Variants in PRPF38B observed in about 807,000 individuals in gnomAD.
PRPF38B encodes pre-mRNA-splicing factor 38B.
In PRPF38B, 18 loss-of-function variants were observed where a neutral mutation model predicts 67.2. The observed-to-expected ratio is 0.27, with a 90% CI of 0.19 to 0.40. The LOEUF (loss-of-function observed/expected upper bound fraction) is 0.40. PRPF38B is among the 10% of genes least tolerant of loss of function. The pLI is 1.00. For synonymous variants in PRPF38B, 246 were observed against 234.2 expected, an observed-to-expected ratio of 1.05 and a Z score of -0.46; for missense variants, 544 against 684.9, an observed-to-expected ratio of 0.79 and a Z score of 2.30.
At chr1:108,698,323 G>T (rs1228674471) in intron 4 of PRPF38B, 2 of 310,670 alleles carry the variant, frequency 6.4e-6, no homozygotes, top group Non-Finnish European at 1.2e-5. Context: ...TAAGTCAATC[G>T]TTCCGCATAG....
In PRPF38B at chr1:108,696,027, C is replaced by CTAGTTTA; in HGVS notation, c.346-15_346-14insAGTTTAT. The stretch of plus-strand genomic sequence containing the variant: ...TAATTATTTTACTACTTTTTCTTAA[C>CTAGTTTA]TCGTTTCCCCTAAAGGTTCGAGGTG... On this transcript the variant is annotated splice_polypyrimidine_tract_variant and intron_variant, in intron 2 of 5. Coordinates refer to ENST00000370025, the MANE Select transcript of PRPF38B (RefSeq NM_018061.4). 1 of 1,605,484 alleles carries CTAGTTTA rather than the reference C, an allele frequency of 6.2e-7. No homozygotes were observed. Among genetic ancestry groups the CTAGTTTA allele is most frequent in the South Asian group, 1.1e-5 (1 of 89,470 alleles).
Position 108,696,057 on chromosome 1 carries a change from A to G in PRPF38B, c.360A>G (p.Gly120=). ...TTCCCCTAAAGGTTCGAGGTGTTGG[A>G]ACAGGAGGAATTGTTTCTACAGCAT... ...TGMCGGVRGV[G]TGGIVSTAFC... is the part of the protein sequence containing the mutation. The change falls in exon 3 of 6, where the codon GGA becomes GGG. Residue 120 remains glycine (G), a synonymous_variant. Coordinates refer to ENST00000370025, the MANE Select transcript of PRPF38B (RefSeq NM_018061.4). 1.9e-6 allele frequency: 3 copies of G among 1,613,506 alleles called. No individual in the cohort carries two copies. The highest frequency in any genetic ancestry group is 2.5e-6 in the Non-Finnish European group (3 of 1,179,818).
chr1:108,695,758 G>A lies in PRPF38B; in HGVS notation c.333G>A (p.Gly111=). The A allele has an allele frequency of 6.2e-7, 1 of 1,613,996 alleles. No homozygotes were observed. The highest frequency in any genetic ancestry group is 8.5e-7 in the Non-Finnish European group (1 of 1,179,906). ...KGSRKTAGQT[G]MCGGVRGVGT... ...GCAGGAAAACAGCGGGCCAGACAGG[G>A]ATGTGCGGAGGGGTAAGTAGAAGTA... Residue 111 remains glycine, a synonymous_variant, in exon 2 of 6, where the codon GGG becomes GGA. Coordinates refer to ENST00000370025, the MANE Select transcript of PRPF38B (RefSeq NM_018061.4).
At position 108,692,557 on chromosome 1, in the gene PRPF38B, C is replaced by A. The variant is rs964574746; in HGVS notation, c.-35C>A. Reference sequence around the variant, plus strand: ...CGAGATCGAGCTTGGCCCCCTCCCCCCCCTCCTTCCCTCCCTCCTTCCTTC... The same window carrying A: ...CGAGATCGAGCTTGGCCCCCTCCCCACCCTCCTTCCCTCCCTCCTTCCTTC... On this transcript the variant is annotated 5_prime_UTR_variant, in exon 1 of 6. Transcript: ENST00000370025. 2.5e-5 allele frequency: 37 copies of A among 1,503,042 alleles called. No homozygotes were observed. Among genetic ancestry groups the A allele is most frequent in the Admixed American group, 1.5e-4 (7 of 47,886 alleles). The allele number at this position is 1,503,042 out of a possible 1,614,324, so 93.1% of individuals were successfully genotyped here. A position where few individuals can be genotyped will look rare whatever the true frequency, so the allele number is the denominator to read the frequency against.
Position 108,699,922 on chromosome 1 carries a change from A to G in PRPF38B, c.1543A>G (p.Ser515Gly), listed in dbSNP as rs1316277641. The change falls in exon 6 of 6, where the codon AGT becomes GGT. Residue 515 changes from serine to glycine, a missense_variant. Around this residue, in one of 5 missense-constraint regions of PRPF38B, gnomAD observed 387 missense variants for 386.1 expected, o/e 1.00. Coordinates refer to ENST00000370025, the MANE Select transcript of PRPF38B (RefSeq NM_018061.4). ...TTCCCACAAACGAGATCACAGTGATAGTAAGGACCAGTCAGACAAACATGA... is the reference window on the plus strand; with the variant it reads ...TTCCCACAAACGAGATCACAGTGATGGTAAGGACCAGTCAGACAAACATGA... ...ERSHKRDHSD[S>G]KDQSDKHDRR... 3.1e-6 allele frequency: 5 copies of G among 1,614,202 alleles called. No individual in the cohort carries two copies. The South Asian group carries it at 3.3e-5, about 11-fold the overall frequency.
chr1:108,698,818 G>C lies in PRPF38B; in HGVS notation c.773G>C (p.Arg258Thr). The change falls in exon 5 of 6, where the codon AGA becomes ACA. Residue 258 changes from arginine to threonine, a missense_variant. Coordinates refer to ENST00000370025, the MANE Select transcript of PRPF38B (RefSeq NM_018061.4). ...GAAATAGACAGACATGTTGAACGCA[G>C]ACGTTCAAGGTAATGTCACTCTTGA... ...AEEIDRHVER[R>T]RSRSPRRSLS... The C allele has an allele frequency of 1.2e-6, 2 of 1,607,756 alleles. No individual in the cohort carries two copies. The highest frequency in any genetic ancestry group is 1.7e-6 in the Non-Finnish European group (2 of 1,174,444).
chr1:108,700,153 C>G lies in PRPF38B; in HGVS notation c.*133C>G. On this transcript the variant is annotated 3_prime_UTR_variant, in exon 6 of 6. Coordinates refer to ENST00000370025, the MANE Select transcript of PRPF38B (RefSeq NM_018061.4). Reference sequence around the variant, plus strand: ...TAGGCTGCATTTTCATTTCCTCTTTCGTGTAGGGAAGTGCCTTTGTAATTC... The same window carrying G: ...TAGGCTGCATTTTCATTTCCTCTTTGGTGTAGGGAAGTGCCTTTGTAATTC... 7.3e-7 allele frequency: 1 copy of G among 1,376,168 alleles called. No homozygotes were observed. Among genetic ancestry groups the G allele is most frequent in the Non-Finnish European group, 9.5e-7 (1 of 1,049,502 alleles). 85.2% of individuals were successfully genotyped at this position (1,376,168 alleles called of 1,614,324 possible).
In PRPF38B at chr1:108,699,943, CATG is replaced by C; in HGVS notation, c.1567_1569del (p.Asp523del). 1.9e-6 allele frequency: 3 copies of C among 1,613,704 alleles called. No individual in the cohort carries two copies. The highest frequency in any genetic ancestry group is 2.5e-6 in the Non-Finnish European group (3 of 1,179,936). On this transcript the variant is annotated inframe_deletion, in exon 6 of 6. Transcript: ENST00000370025. ...TGATAGTAAGGACCAGTCAGACAAA[CATG>C]ATCGTCGAAGGAGCCAAAGTATAGA...
At chr1:108,695,953 A>G in intron 2 of PRPF38B, 90 bp from the exon 3 acceptor site, 3 of 1,427,932 alleles carry the variant, frequency 2.1e-6, no homozygotes, top group Non-Finnish European at 2.9e-6. Context: ...TGGATTATGG[A>G]TTGTTATTGA....
chr1:108,692,627 G>A lies in PRPF38B; in HGVS notation c.36G>A (p.Ser12=), dbSNP rs1659427448. Residue 12 remains serine (S), a synonymous_variant, in exon 1 of 6, where the codon TCG becomes TCA. Transcript: ENST00000370025. The part of the protein sequence containing the change: ...ANNSPALTGN[S]QPQHQAAAAA... The stretch of plus-strand genomic sequence containing the variant: ...ACAGCCCCGCGCTGACAGGCAACTC[G>A]CAGCCGCAGCACCAGGCGGCTGCAG... 2.5e-6 allele frequency: 4 copies of A among 1,599,026 alleles called. No individual in the cohort carries two copies. The highest frequency in any genetic ancestry group is 1.1e-5 in the South Asian group (1 of 90,536).
rs974714311 is a variant in PRPF38B at position 108,701,219 on chromosome 1, T to A, written c.*1199T>A. 3 of 152,618 alleles carry A rather than the reference T, an allele frequency of 2.0e-5. No homozygotes were observed. Among genetic ancestry groups the A allele is most frequent in the Non-Finnish European group, 4.4e-5 (3 of 68,028 alleles). 9.5% of individuals were successfully genotyped at this position (152,618 alleles called of 1,614,324 possible). On this transcript the variant is annotated 3_prime_UTR_variant, in exon 6 of 6. Coordinates refer to ENST00000370025, the MANE Select transcript of PRPF38B (RefSeq NM_018061.4). ...CTTGGCTTTTCCCCCATTTGTTAAATTTTTTTAGCATATTTATATTGTGGA... is the reference window on the plus strand; with the variant it reads ...CTTGGCTTTTCCCCCATTTGTTAAAATTTTTTAGCATATTTATATTGTGGA...
chr1:108,694,538 T>A (rs1430146710), intron 1 of PRPF38B, among the ~76,000 whole-genome samples: 1 of 152,208 alleles, frequency 6.6e-6, no homozygotes, highest in African/African-American at 2.4e-5. Context: ...TTTGTATGCA[T>A]CCAGCCCTGC....
At position 108,692,326 on chromosome 1, in the gene PRPF38B, C is replaced by T. The variant is rs1409069163; in HGVS notation, c.-266C>T. 8 of 514,910 alleles carry T rather than the reference C, an allele frequency of 1.6e-5. No homozygotes were observed. In the Middle Eastern group the frequency reaches 1.5e-3, roughly 98 times the overall value. The allele number at this position is 514,910 out of a possible 1,614,324, so 31.9% of individuals were successfully genotyped here. On this transcript the variant is annotated 5_prime_UTR_variant, in exon 1 of 6. Coordinates refer to ENST00000370025, the MANE Select transcript of PRPF38B (RefSeq NM_018061.4). Reference sequence around the variant, plus strand: ...GGGCCCGCCATCTTGTTCCCAGGGGCAGTTGGCGGAAGAGATCGAGCTCCC... The same window carrying T: ...GGGCCCGCCATCTTGTTCCCAGGGGTAGTTGGCGGAAGAGATCGAGCTCCC...
chr1:108,695,953 A>C lies in PRPF38B; in HGVS notation c.346-90A>C, dbSNP rs953934819. ...AATGCTCCTTAGTTCTGGATTATGG[A>C]TTGTTATTGATACCTAACAGGATTA... is the stretch of plus-strand genomic sequence containing the variant. On this transcript the variant is annotated intron_variant, in intron 2 of 5. Coordinates refer to ENST00000370025, the MANE Select transcript of PRPF38B (RefSeq NM_018061.4). 2.2e-5 allele frequency: 32 copies of C among 1,427,814 alleles called. No individual in the cohort carries two copies. The African/African-American group carries it at 3.6e-4, about 16-fold the overall frequency. The allele number at this position is 1,427,814 out of a possible 1,614,324, so 88.4% of individuals were successfully genotyped here.
chr1:108,699,276 A>G lies in PRPF38B; in HGVS notation c.897A>G (p.Lys299=). 2 of 1,614,182 alleles carry G rather than the reference A, an allele frequency of 1.2e-6. No individual in the cohort carries two copies. The highest frequency in any genetic ancestry group is 1.7e-6 in the Non-Finnish European group (2 of 1,180,036). The part of the protein sequence containing the change: ...SSFDRELERE[K]ERQRLEREAK... ...TTGACAGAGAATTAGAAAGAGAGAA[A>G]GAACGCCAGCGACTAGAGCGTGAAG... The change falls in exon 6 of 6, where the codon AAA becomes AAG. Residue 299 remains lysine (K), a synonymous_variant. Transcript: ENST00000370025.
chr1:108,698,662 C>A lies in PRPF38B; in HGVS notation c.617C>A (p.Ser206Tyr). The A allele has an allele frequency of 6.2e-7, 1 of 1,614,070 alleles. No homozygotes were observed. Among genetic ancestry groups the A allele is most frequent in the Non-Finnish European group, 8.5e-7 (1 of 1,179,998 alleles). ...CVMTIGEMLR[S>Y]FLTKLEWFST... is the part of the protein sequence containing the mutation. Reference sequence around the variant, plus strand: ...ATGACCATTGGAGAAATGCTACGATCTTTTCTCACAAAACTGGAGTGGTTT... The same window carrying A: ...ATGACCATTGGAGAAATGCTACGATATTTTCTCACAAAACTGGAGTGGTTT... Residue 206 changes from serine (S) to tyrosine (Y), a missense_variant, in exon 5 of 6, where the codon TCT becomes TAT. Physicochemically the swap from Ser to Tyr is moderately radical, Grantham distance 144. Transcript: ENST00000370025.
intron 4 of PRPF38B, chr1:108,696,732 C>A (rs1303885367): frequency 1.4e-6 from 1 of 716,396 alleles, no homozygotes; most frequent in African/African-American, 1.7e-5. Flanking sequence ...TCTTCTGGAA[C>A]ATTTCAGTTC....
Position 108,699,969 on chromosome 1 carries a change from A to G in PRPF38B, c.1590A>G (p.Ile530Met), listed in dbSNP as rs1448451383. 1.3e-6 allele frequency: 2 copies of G among 1,596,026 alleles called. No homozygotes were observed. Among genetic ancestry groups the G allele is most frequent in the South Asian group, 1.1e-5 (1 of 88,004 alleles). Residue 530 changes from isoleucine (I) to methionine (M), a missense_variant, in exon 6 of 6, where the codon ATA becomes ATG. Coordinates refer to ENST00000370025, the MANE Select transcript of PRPF38B (RefSeq NM_018061.4). ...ATGATCGTCGAAGGAGCCAAAGTAT[A>G]GAACAAGAGAGCCAAGAAAAACAGC... ...DKHDRRRSQSIEQESQEKQHK... is the reference protein window; with the variant it reads ...DKHDRRRSQSMEQESQEKQHK...
In PRPF38B at chr1:108,701,898, C is replaced by T. The variant is rs1314916558; in HGVS notation, c.*1878C>T. 3 of 152,024 alleles carry T rather than the reference C, an allele frequency of 2.0e-5. No individual in the cohort carries two copies. Among genetic ancestry groups the T allele is most frequent in the Admixed American group, 2.0e-4 (3 of 15,262 alleles). 9.4% of individuals were successfully genotyped at this position (152,024 alleles called of 1,614,324 possible). A position where few individuals can be genotyped will look rare whatever the true frequency, so the allele number is the denominator to read the frequency against. On this transcript the variant is annotated 3_prime_UTR_variant, in exon 6 of 6. Transcript: ENST00000370025. Reference sequence around the variant, plus strand: ...ATAGACACCCAGAAGTTAGAAAAACCTATTGTATAATATGAAAGCCACTAA... The same window carrying T: ...ATAGACACCCAGAAGTTAGAAAAACTTATTGTATAATATGAAAGCCACTAA...
Sources: allele counts gnomAD v4.1 joint callset (sites outside exome capture counted in the v4.1 genomes callset), GRCh38; gene constraint gnomAD v4.1.1; regional missense constraint gnomAD v4.1.1; transcripts MANE v1.5; gene names NCBI Gene and HGNC (gene_info 2026-07-23, HGNC 2026-07-21).